LAMA1: variants seen among roughly 807,000 people sequenced by gnomAD.
LAMA1 encodes the protein laminin subunit alpha-1.
LAMA1 carries 219 observed loss-of-function variants against 348.7 expected under a neutral mutation model. The ratio of observed to expected loss-of-function variants is 0.63; its 90% CI spans 0.56 to 0.70. The LOEUF (loss-of-function observed/expected upper bound fraction) is 0.70, where lower values mean the gene tolerates loss of function less well. Ranked by LOEUF, LAMA1 falls within the 30% of genes least tolerant of loss-of-function variation. The probability of loss-of-function intolerance (pLI) is 0.00; values close to 1 mark genes in which losing one functional copy is unlikely to be tolerated. For missense variants in LAMA1, 3,744 were observed against 3,888.0 expected (o/e 0.96, Z 0.99); for synonymous variants, 1,487 against 1,491.0 (o/e 1.00, Z 0.06).
chr18:7,097,683 T>G (rs967226245), intron 1 of LAMA1, among the ~76,000 whole-genome samples: 1 of 152,210 alleles, frequency 6.6e-6, no homozygotes, highest in Non-Finnish European at 1.5e-5. Context: ...AACAGATGCA[T>G]AGATCAATAG....
intron 57 of LAMA1, chr18:6,954,762 G>T: frequency 3.4e-5 from 6 of 178,124 alleles, no homozygotes; most frequent in South Asian, 1.2e-4. Context: ...CACAGCCAAT[G>T]ACAACAAGAC....
chr18:7,030,498 T>C (rs939338842), intron 16 of LAMA1, among the ~76,000 whole-genome samples: 4 of 149,576 alleles, frequency 2.7e-5, no homozygotes, highest in Middle Eastern at 3.2e-3. Flanking sequence ...GTGTAGTTCA[T>C]CTTATCGTGC....
intron 45 of LAMA1, 68 bp from the exon 46 acceptor site, chr18:6,975,104 TAC>T: frequency 1.3e-6 from 2 of 1,543,040 alleles, no homozygotes; most frequent in Non-Finnish European, 1.8e-6. Flanking sequence ...CACAACACTT[TAC>T]AGAGTCAATT....
At chr18:6,981,666 T>C (rs2057712228) in intron 41 of LAMA1, among the ~76,000 whole-genome samples, 1 of 152,272 alleles carries the variant, frequency 6.6e-6, no homozygotes, top group Middle Eastern at 3.4e-3. Context: ...AATTTTAAAC[T>C]GTGTCACTCA....
At position 6,949,213 on chromosome 18, in the gene LAMA1, C is replaced by T. The variant is rs747331930; in HGVS notation, c.8444G>A (p.Gly2815Asp). The T allele has an allele frequency of 3.7e-6, 6 of 1,614,176 alleles. No homozygotes were observed. The highest frequency in any genetic ancestry group is 1.7e-6 in the Non-Finnish European group (2 of 1,180,024). The change falls in exon 59 of 63, where the codon GGC (glycine) becomes GAC (aspartate). Residue 2815 changes from glycine to aspartate, a missense_variant. By Grantham distance (94) the Gly-to-Asp change is moderately conservative (BLOSUM62 -1). Coordinates refer to ENST00000389658, the MANE Select transcript of LAMA1 (RefSeq NM_005559.4). ...CACAGTCACCATGGGAGACTCTCGG[C>T]CGTCGACAGTTATGAAGCCTTTTCT... ...VKRKGFITVDGRESPMVTVVG... is the reference protein window; with the variant it reads ...VKRKGFITVDDRESPMVTVVG...
At chr18:6,948,866 C>A (rs1002669134) in intron 59 of LAMA1, among the ~76,000 whole-genome samples, 1 of 152,120 alleles carries the variant, frequency 6.6e-6, no homozygotes, top group African/African-American at 2.4e-5. Flanking sequence ...TGTGCTGTGG[C>A]CACGTGGCTG....
At chr18:6,972,305 A>G (rs1159731134) in intron 47 of LAMA1, 8 of 367,360 alleles carry the variant, frequency 2.2e-5, no homozygotes, top group South Asian at 9.0e-5. Context: ...CCTGAGACCT[A>G]GACTCCCACT....
intron 28 of LAMA1, 44 bp from the exon 29 acceptor site, chr18:7,007,320 G>C: frequency 6.3e-7 from 1 of 1,589,262 alleles, no homozygotes; most frequent in Non-Finnish European, 8.6e-7. Flanking sequence ...TGATTAATGA[G>C]TGAGTGAAGG....
chr18:7,020,658 C>T (rs2057911438), intron 19 of LAMA1, among the ~76,000 whole-genome samples: 1 of 152,166 alleles, frequency 6.6e-6, no homozygotes, highest in South Asian at 2.1e-4. Flanking sequence ...TAGCCCAGGC[C>T]CAGACCCAAA....
chr18:6,976,588 ATATTTATT>A (rs66905104), intron 44 of LAMA1, among the ~76,000 whole-genome samples: 5,134 of 148,252 alleles, frequency 0.035, 106 homozygotes, highest in South Asian at 0.046. Flanking sequence ...CCTTGGGCTT[ATATTTATT>A]TATTTATTTA....
chr18:6,998,036 A>G, intron 32 of LAMA1, 152 bp from the exon 33 acceptor site: 1 of 738,674 alleles, frequency 1.4e-6, no homozygotes, highest in South Asian at 1.6e-5. Context: ...TCTCATTCTC[A>G]CTCCAACTGT....
chr18:7,086,841 A>G (rs906124117), intron 1 of LAMA1, among the ~76,000 whole-genome samples: 50 of 152,240 alleles, frequency 3.3e-4, no homozygotes, highest in African/African-American at 1.2e-3. Context: ...CTATTAAATG[A>G]GTATCTCTAT....
chr18:7,033,214 C>T (rs1018939641), intron 14 of LAMA1, 119 bp from the exon 15 acceptor site: 116 of 748,284 alleles, frequency 1.6e-4, no homozygotes, highest in Non-Finnish European at 2.3e-4. Flanking sequence ...CGCCTGTAAT[C>T]CCAGCACTTT....
rs768988674 is a variant in LAMA1 at position 6,948,567 on chromosome 18, T to A, written c.8557-11A>T. Reference sequence around the variant, plus strand: ...GATGCTGTGGGTGATCTAAGCCAAATGACATGCAAGAGTAGACAGTGGTGA... The same window carrying A: ...GATGCTGTGGGTGATCTAAGCCAAAAGACATGCAAGAGTAGACAGTGGTGA... On this transcript the variant is annotated splice_polypyrimidine_tract_variant and intron_variant, in intron 59 of 62. Coordinates refer to ENST00000389658, the MANE Select transcript of LAMA1 (RefSeq NM_005559.4). 2 of 1,614,196 alleles carry A rather than the reference T, an allele frequency of 1.2e-6. No homozygotes were observed. The highest frequency in any genetic ancestry group is 2.2e-5 in the South Asian group (2 of 91,080).
chr18:7,110,888 TCCC>T (rs35705241), intron 1 of LAMA1, among the ~76,000 whole-genome samples: 12 of 143,064 alleles, frequency 8.4e-5, no homozygotes, highest in East Asian at 4.0e-4. Flanking sequence ...TTTTTTTCCC[TCCC>T]CCCCCCCACT....
chr18:7,007,283 G>A lies in LAMA1; in HGVS notation c.4123-7C>T. The A allele has an allele frequency of 3.7e-6, 6 of 1,612,052 alleles. No homozygotes were observed. Among genetic ancestry groups the A allele is most frequent in the Non-Finnish European group, 5.1e-6 (6 of 1,178,712 alleles). On this transcript the variant is annotated splice_region_variant and splice_polypyrimidine_tract_variant and intron_variant, in intron 28 of 62. Coordinates refer to ENST00000389658, the MANE Select transcript of LAMA1 (RefSeq NM_005559.4). The stretch of plus-strand genomic sequence containing the variant: ...GGTACCCAGGGGCGCAGTCCTGAGG[G>A]GGTGCAAAAGGGAGGACAAAAAAGT...
intron 1 of LAMA1, among the ~76,000 whole-genome samples, chr18:7,095,070 T>TTG (rs894744705): frequency 2.6e-5 from 4 of 151,542 alleles, no homozygotes; most frequent in African/African-American, 9.7e-5. Context: ...TGACTGTTTT[T>TTG]TTTTTTTTTT....
intron 16 of LAMA1, among the ~76,000 whole-genome samples, chr18:7,027,725 C>G (rs2057950841): frequency 6.6e-6 from 1 of 152,064 alleles, no homozygotes; most frequent in South Asian, 2.1e-4. Context: ...GGTGGACCAC[C>G]TGAGGTCAGG....
chr18:6,993,663 C>T lies in LAMA1; in HGVS notation c.4986G>A (p.Glu1662=). Reference sequence around the variant, plus strand: ...TACCTGTGATGCTCATCTGCAGCCTCTCAATGGCTATGGCCAGGTCTTGAC... The same window carrying T: ...TACCTGTGATGCTCATCTGCAGCCTTTCAATGGCTATGGCCAGGTCTTGAC... ...KESQDLAIAI[E]RLQMSITEIM... Residue 1662 remains glutamate (E), a synonymous_variant, in exon 35 of 63, where the codon GAG becomes GAA. Transcript: ENST00000389658. 1 of 1,613,692 alleles carries T rather than the reference C, an allele frequency of 6.2e-7. No homozygotes were observed. Among genetic ancestry groups the T allele is most frequent in the Non-Finnish European group, 8.5e-7 (1 of 1,179,584 alleles).
Sources: gnomAD v4.1 joint callset for allele counts (sites outside exome capture counted in the v4.1 genomes callset) on GRCh38, gnomAD v4.1.1 for gene constraint, MANE v1.5 for transcripts, NCBI Gene and HGNC (gene_info 2026-07-23, HGNC 2026-07-21) for gene names.